The following SH3BP2 variants were observed in gnomAD, a reference collection of about 807,000 sequenced individuals.
SH3BP2 encodes SH3 domain-binding protein 2.
SH3BP2 carries 38 observed loss-of-function variants against 56.2 expected under a neutral mutation model. The ratio of observed to expected loss-of-function variants is 0.68; its 90% CI spans 0.52 to 0.89. SH3BP2 has a LOEUF of 0.89. Among genes scored for constraint, SH3BP2 ranks in the 40% least tolerant of loss-of-function variants. SH3BP2 has a pLI of 0.00. For synonymous variants in SH3BP2, 346 were observed against 316.7 expected, an observed-to-expected ratio of 1.09 and a Z score of -0.98; for missense variants, 748 against 762.6, an observed-to-expected ratio of 0.98 and a Z score of 0.23.
Position 2,820,638 on chromosome 4 carries a change from T to C in SH3BP2, c.21T>C (p.His7=). 1 of 1,614,172 alleles carries C rather than the reference T, an allele frequency of 6.2e-7. No individual in the cohort carries two copies. Among genetic ancestry groups the C allele is most frequent in the Admixed American group, 1.7e-5 (1 of 60,024 alleles). The part of the protein sequence containing the change: MAAEEM[H]WPVPMKAIGA... ...GCTTCATGGCGGCTGAAGAGATGCA[T>C]TGGCCTGTCCCTATGAAGGCCATTG... is the stretch of plus-strand genomic sequence containing the variant. Residue 7 remains histidine (H), a synonymous_variant, in exon 2 of 13, where the codon CAT becomes CAC. Transcript: ENST00000503393.
chr4:2,832,460 A>AC, intron 11 of SH3BP2, 48 bp downstream of exon 11: 1 of 1,457,030 alleles, frequency 6.9e-7, no homozygotes, highest in African/African-American at 1.4e-5. Flanking sequence ...CTCTCCACAC[A>AC]CCCAGGCTGT....
rs1468737972 is a variant in SH3BP2, at chr4:2,839,605, G to C, written c.*5771G>C. ...GTTTTTTGAGACAAGGTCTTGCTCTGTCACCCAGGCTGGAGTGTTATGGCA... is the reference window on the plus strand; with the variant it reads ...GTTTTTTGAGACAAGGTCTTGCTCTCTCACCCAGGCTGGAGTGTTATGGCA... On this transcript the variant is annotated 3_prime_UTR_variant, in exon 13 of 13. Transcript: ENST00000503393. The C allele has an allele frequency of 6.6e-6, 1 of 151,664 alleles. No homozygotes were observed. The highest frequency in any genetic ancestry group is 1.9e-4 in the East Asian group (1 of 5,178). 9.4% of individuals were successfully genotyped at this position (151,664 alleles called of 1,614,324 possible). A position where few individuals can be genotyped will look rare whatever the true frequency, so the allele number is the denominator to read the frequency against.
rs1577375599 is a variant in SH3BP2, at chr4:2,835,767, G to C, written c.*1933G>C. ...AGCCTCCCGAGTAGCTGGGATTCCA[G>C]GCGCCCGCCACCACGCCTGGCTAAT... On this transcript the variant is annotated 3_prime_UTR_variant, in exon 13 of 13. Transcript: ENST00000503393. 5 of 152,372 alleles carry C rather than the reference G, an allele frequency of 3.3e-5. 2 individuals carry two copies. The highest frequency in any genetic ancestry group is 3.3e-4 in the Admixed American group (5 of 15,300). The allele number at this position is 152,372 out of a possible 1,614,324, so 9.4% of individuals were successfully genotyped here. A position where few individuals can be genotyped will look rare whatever the true frequency, so the allele number is the denominator to read the frequency against.
At chr4:2,812,651 T>C (rs1228984082) in intron 1 of SH3BP2, among the ~76,000 whole-genome samples, 25 of 152,182 alleles carry the variant, frequency 1.6e-4, no homozygotes, top group Admixed American at 1.6e-3. Context: ...GAGAGTGGCC[T>C]CTGTCTGCCT....
intron 1 of SH3BP2, among the ~76,000 whole-genome samples, chr4:2,797,523 C>T (rs1289639190): frequency 2.0e-5 from 3 of 152,200 alleles, no homozygotes; most frequent in African/African-American, 7.2e-5. Flanking sequence ...ACCTGCCTGG[C>T]CCACCTTGCC....
intron 5 of SH3BP2, 132 bp downstream of exon 5, chr4:2,825,328 G>C: frequency 1.3e-6 from 1 of 747,504 alleles, no homozygotes; most frequent in East Asian, 2.7e-5. Flanking sequence ...GGTGCCAGCT[G>C]GGCTGCGTCT....
At chr4:2,809,804 C>G in intron 1 of SH3BP2, 1 of 985,628 alleles carries the variant, frequency 1.0e-6, no homozygotes, top group Non-Finnish European at 1.2e-6. Context: ...TCTGCCTGCC[C>G]TGCTGGCTGG....
chr4:2,812,680 G>T (rs1723804879), intron 1 of SH3BP2, among the ~76,000 whole-genome samples: 1 of 152,184 alleles, frequency 6.6e-6, no homozygotes, highest in African/African-American at 2.4e-5. Flanking sequence ...CCCCGAGCTG[G>T]CAGGCACAGG....
Position 2,831,889 on chromosome 4 carries a change from C to T in SH3BP2, c.1351-34C>T, listed in dbSNP as rs373140987. ...GAGTGGTGGTGCGGGTGGATCACTCCGACGTTGGCACTGACACCGTCAGCC... is the reference window on the plus strand; with the variant it reads ...GAGTGGTGGTGCGGGTGGATCACTCTGACGTTGGCACTGACACCGTCAGCC... On this transcript the variant is annotated intron_variant, in intron 9 of 12. Transcript: ENST00000503393. This position sits in a 1 kb window ranked among gnomAD's most constrained non-coding sequence, Gnocchi z 4.1. 399 of 1,608,516 alleles carry T rather than the reference C, an allele frequency of 2.5e-4. No homozygotes were observed. The highest frequency in any genetic ancestry group is 6.1e-4 in the African/African-American group (46 of 74,968).
chr4:2,797,270 G>A (rs1006531635), intron 1 of SH3BP2, among the ~76,000 whole-genome samples: 2 of 152,158 alleles, frequency 1.3e-5, no homozygotes, highest in Non-Finnish European at 2.9e-5. Context: ...AATGCTGGGC[G>A]GTCCTTGGCT....
At chr4:2,823,130 C>G in intron 3 of SH3BP2, 93 bp downstream of exon 3, 1 of 918,280 alleles carries the variant, frequency 1.1e-6, no homozygotes, top group South Asian at 1.4e-5. Flanking sequence ...TTATTCCCGC[C>G]CAAGGAAAGT....
intron 7 of SH3BP2, 151 bp downstream of exon 7, chr4:2,827,825 A>C: frequency 1.5e-6 from 1 of 684,268 alleles, no homozygotes; most frequent in South Asian, 1.7e-5. Context: ...TATTATGAGG[A>C]TTGGAGCAGA....
At chr4:2,808,640 G>A (rs975288696) in intron 1 of SH3BP2, among the ~76,000 whole-genome samples, 7 of 152,136 alleles carry the variant, frequency 4.6e-5, no homozygotes, top group African/African-American at 1.7e-4. Flanking sequence ...TGGCTGGGGA[G>A]AGCCTGGGAG....
rs1723689106 is a variant in SH3BP2 at position 2,810,226 on chromosome 4, G to C, written c.-4-10388G>C. ...ACTCCCAGCTCCAGCTTCCCTCTGG[G>C]AAGATAGGGTTGGGGAAGGGGCTGG... On this transcript the variant is annotated intron_variant, in intron 1 of 12. Transcript: ENST00000503393. The surrounding 1 kb of genome is among the most constrained non-coding windows in gnomAD (Gnocchi z 4.2). Among the ~76,000 whole-genome samples the C allele has an allele frequency of 1.3e-5, 2 of 152,058 alleles. No individual in the cohort carries two copies. The highest frequency in any genetic ancestry group is 1.3e-4 in the Admixed American group (2 of 15,276).
At chr4:2,804,761 G>T (rs765990275) in intron 1 of SH3BP2, among the ~76,000 whole-genome samples, 25 of 152,364 alleles carry the variant, frequency 1.6e-4, no homozygotes, top group Non-Finnish European at 2.8e-4. Flanking sequence ...AGCAGGAAAT[G>T]CCTGGTAGGG....
At chr4:2,812,502 G>C in intron 1 of SH3BP2, 1 of 1,544,532 alleles carries the variant, frequency 6.5e-7, no homozygotes. Flanking sequence ...CCCAGGACTG[G>C]GGCTCGGGAG....
At chr4:2,812,202 G>C in intron 1 of SH3BP2, 1 of 1,472,862 alleles carries the variant, frequency 6.8e-7, no homozygotes, top group African/African-American at 1.4e-5. Context: ...CAGGGTAGAA[G>C]GCAGGAAGTG....
At chr4:2,794,894 G>A (rs1723011527) in intron 1 of SH3BP2, among the ~76,000 whole-genome samples, 1 of 152,240 alleles carries the variant, frequency 6.6e-6, no homozygotes, top group African/African-American at 2.4e-5. Flanking sequence ...GGCCCAGAGA[G>A]ACGAGATGGC....
chr4:2,818,519 T>A, intron 1 of SH3BP2: 1 of 530,706 alleles, frequency 1.9e-6, no homozygotes. Context: ...ACGCGCTTCT[T>A]GGGGGAACAA....
Sources: allele counts gnomAD v4.1 joint callset (sites outside exome capture counted in the v4.1 genomes callset), GRCh38; gene constraint gnomAD v4.1.1; non-coding constraint Gnocchi (gnomAD v3.1); transcripts MANE v1.5; gene names NCBI Gene and HGNC (gene_info 2026-07-23, HGNC 2026-07-21).